Variants in GALNTL6 observed in about 807,000 individuals in gnomAD.
The protein encoded by GALNTL6 is polypeptide N-acetylgalactosaminyltransferase like 6.
GALNTL6 carries 46 observed loss-of-function variants against 73.7 expected under a neutral mutation model. That is an observed-to-expected ratio of 0.62 (90% CI 0.49 to 0.80). The LOEUF (loss-of-function observed/expected upper bound fraction) is 0.80. GALNTL6 is among the 30% of genes least tolerant of loss of function. The pLI is 0.00. For missense variants in GALNTL6, 604 were observed against 755.0 expected (o/e 0.80, Z 2.34); for synonymous variants, 259 against 263.7 (o/e 0.98, Z 0.17).
chr4:172,587,689 A>T (rs773609930), intron 5 of GALNTL6, among the ~76,000 whole-genome samples: 6 of 152,150 alleles, frequency 3.9e-5, no homozygotes, highest in Non-Finnish European at 8.8e-5. Flanking sequence ...ATTCTTATAC[A>T]TCCTTCCAGG....
intron 5 of GALNTL6, among the ~76,000 whole-genome samples, chr4:172,428,916 G>A (rs187429628): frequency 2.2e-4 from 34 of 152,184 alleles, no homozygotes; most frequent in African/African-American, 8.2e-4. Context: ...GCCATAAAAT[G>A]GATGGCTCAT....
chr4:172,060,804 C>T (rs1043236767), intron 2 of GALNTL6, among the ~76,000 whole-genome samples: 7 of 152,086 alleles, frequency 4.6e-5, no homozygotes, highest in South Asian at 4.1e-4. Context: ...CATTTTTCTG[C>T]GTGGATGAAT....
At chr4:172,238,369 A>G (rs1042583518) in intron 3 of GALNTL6, among the ~76,000 whole-genome samples, 1 of 152,012 alleles carries the variant, frequency 6.6e-6, no homozygotes, top group African/African-American at 2.4e-5. Context: ...GCTATTGTGG[A>G]TAGGACTGCA....
intron 2 of GALNTL6, among the ~76,000 whole-genome samples, chr4:172,199,426 A>G (rs1215657274): frequency 1.3e-5 from 2 of 152,208 alleles, no homozygotes; most frequent in East Asian, 3.9e-4. Context: ...ATTTTCAGTC[A>G]GATCTATTTT....
chr4:172,429,273 G>A (rs919605744), intron 5 of GALNTL6, among the ~76,000 whole-genome samples: 4 of 150,644 alleles, frequency 2.7e-5, no homozygotes, highest in Admixed American at 2.0e-4. Flanking sequence ...GTGCAGTGGC[G>A]TGATCTCAGC....
At chr4:171,858,011 G>C (rs1735736032) in intron 2 of GALNTL6, among the ~76,000 whole-genome samples, 1 of 152,158 alleles carries the variant, frequency 6.6e-6, no homozygotes, top group Admixed American at 6.5e-5. Context: ...TTAGTGGAAA[G>C]TGTGTAACAA....
At chr4:171,905,289 G>C (rs1332545269) in intron 2 of GALNTL6, among the ~76,000 whole-genome samples, 1 of 151,970 alleles carries the variant, frequency 6.6e-6, no homozygotes, top group Non-Finnish European at 1.5e-5. Context: ...AAAATAAAAG[G>C]ATGGAGGAAG....
chr4:172,138,513 A>ATTTTT (rs1169097172), intron 2 of GALNTL6, among the ~76,000 whole-genome samples: 2 of 7,790 alleles, frequency 2.6e-4, no homozygotes, highest in Admixed American at 3.0e-3. Context: ...ATATATATAT[A>ATTTTT]TTTTTTTTTT....
chr4:173,010,606 T>C (rs1752505438), intron 11 of GALNTL6, among the ~76,000 whole-genome samples: 1 of 152,050 alleles, frequency 6.6e-6, no homozygotes, highest in Non-Finnish European at 1.5e-5. Flanking sequence ...TTTGTTTTGT[T>C]TTGTTTTTAA....
chr4:171,909,713 C>T lies in GALNTL6; in HGVS notation c.138+94995C>T, dbSNP rs368187124. On this transcript the variant is annotated intron_variant, in intron 2 of 12. Transcript: ENST00000506823. ...GGAAGTCTAGCAATTAGAAACAAAT[C>T]TCCTTTGAAGGATCTTAACATGTAA... 2.0e-5 allele frequency among the ~76,000 whole-genome samples: 3 copies of T among 152,236 alleles called. No homozygotes were observed. In the East Asian group the frequency reaches 5.8e-4, roughly 29 times the overall value.
intron 5 of GALNTL6, among the ~76,000 whole-genome samples, chr4:172,437,552 C>T (rs1731677760): frequency 6.6e-6 from 1 of 152,134 alleles, no homozygotes; most frequent in Non-Finnish European, 1.5e-5. Flanking sequence ...AAAAACCAGT[C>T]TTCTTGTCCT....
chr4:173,010,887 A>G lies in GALNTL6; in HGVS notation c.1488+1593A>G, dbSNP rs201456621. Among the ~76,000 whole-genome samples, 345 of 152,020 alleles carry G rather than the reference A, an allele frequency of 2.3e-3. 1 individual carries two copies. The highest frequency in any genetic ancestry group is 0.022 in the East Asian group (112 of 5,148). On this transcript the variant is annotated intron_variant, in intron 11 of 12. Coordinates refer to ENST00000506823, the MANE Select transcript of GALNTL6 (RefSeq NM_001034845.3). The stretch of plus-strand genomic sequence containing the variant: ...CCCAAAGTGCTGGGATTACAGGCAT[A>G]AGCCACCACGCCCAGCCAATTTTTA...
In GALNTL6 at chr4:172,844,581, C is replaced by T. The variant is rs1427275049; in HGVS notation, c.923+30858C>T. On this transcript the variant is annotated intron_variant, in intron 7 of 12. Transcript: ENST00000506823. ...TCTTTCATTATGTTAAATCTGCTTCCTTATAATGCCTAAAATGAGGAGGTC... is the reference window on the plus strand; with the variant it reads ...TCTTTCATTATGTTAAATCTGCTTCTTTATAATGCCTAAAATGAGGAGGTC... Among the ~76,000 whole-genome samples, 3 of 152,272 alleles carry T rather than the reference C, an allele frequency of 2.0e-5. No homozygotes were observed. The East Asian group carries it at 5.8e-4, about 29-fold the overall frequency.
At chr4:172,401,915 GA>G (rs1328814500) in intron 5 of GALNTL6, among the ~76,000 whole-genome samples, 6 of 140,438 alleles carry the variant, frequency 4.3e-5, no homozygotes, top group African/African-American at 1.6e-4. Flanking sequence ...GAGAGAGAGA[GA>G]GGGGGAGAGA....
chr4:172,866,906 T>C (rs2111152999), intron 7 of GALNTL6, among the ~76,000 whole-genome samples: 1 of 152,338 alleles, frequency 6.6e-6, no homozygotes, highest in East Asian at 1.9e-4. Context: ...ATTCTATGTG[T>C]CAGTCCTATG....
At chr4:171,847,786 C>T (rs1000881312) in intron 2 of GALNTL6, among the ~76,000 whole-genome samples, 2 of 152,174 alleles carry the variant, frequency 1.3e-5, no homozygotes, top group African/African-American at 4.8e-5. Context: ...CTTCAAGCTC[C>T]ACTTCTAATT....
intron 10 of GALNTL6, among the ~76,000 whole-genome samples, chr4:172,976,281 T>C (rs1023963710): frequency 4.6e-5 from 7 of 152,258 alleles, no homozygotes; most frequent in Non-Finnish European, 8.8e-5. Flanking sequence ...TAATCAGTCA[T>C]TTTCTGGTAT....
chr4:172,704,111 G>A (rs528500663), intron 5 of GALNTL6, among the ~76,000 whole-genome samples: 1 of 151,800 alleles, frequency 6.6e-6, no homozygotes, highest in Admixed American at 6.6e-5. Context: ...CTAGCTAAAA[G>A]TTTGTCAATT....
intron 5 of GALNTL6, among the ~76,000 whole-genome samples, chr4:172,686,933 A>G (rs1234050469): frequency 6.6e-6 from 1 of 152,218 alleles, no homozygotes; most frequent in Non-Finnish European, 1.5e-5. Flanking sequence ...GGAGCATCAC[A>G]TAATCACATT....
Sources: gnomAD v4.1 joint callset for allele counts (sites outside exome capture counted in the v4.1 genomes callset) on GRCh38, gnomAD v4.1.1 for gene constraint, MANE v1.5 for transcripts, NCBI Gene and HGNC (gene_info 2026-07-23, HGNC 2026-07-21) for gene names.